The following NTRK1 variants were observed in gnomAD, a reference collection of about 807,000 sequenced individuals.
NTRK1 encodes neurotrophic receptor tyrosine kinase 1, also known as high affinity nerve growth factor receptor.
NTRK1 carries 62 observed loss-of-function variants against 86.8 expected under a neutral mutation model. The ratio of observed to expected loss-of-function variants is 0.71; its 90% CI spans 0.58 to 0.88. NTRK1 has a LOEUF of 0.88. Ranked by LOEUF, NTRK1 falls within the 40% of genes least tolerant of loss-of-function variation. NTRK1 has a pLI of 0.00. For synonymous variants in NTRK1, 469 were observed against 456.6 expected (o/e 1.03, Z -0.35); for missense variants, 967 against 1,078.4 (o/e 0.90, Z 1.45).
chr1:156,843,585 C>G, intron 2 of NTRK1: 1 of 1,184,810 alleles, frequency 8.4e-7, no homozygotes, highest in Non-Finnish European at 1.3e-6. Flanking sequence ...AGTTACTGAC[C>G]ACACCCCCAG....
chr1:156,874,948 C>G lies in NTRK1; in HGVS notation c.1294C>G (p.Leu432Val), dbSNP rs1392681907. ...CCTGGCCGTCTTTGCCTGCCTCTTCCTTTCTACGCTGCTCCTTGTGCTCAA... is the reference window on the plus strand; with the variant it reads ...CCTGGCCGTCTTTGCCTGCCTCTTCGTTTCTACGCTGCTCCTTGTGCTCAA... ...VGLAVFACLF[L>V]STLLLVLNKC... The change falls in exon 11 of 17, where the codon CTT (leucine) becomes GTT (valine). Residue 432 changes from leucine (L) to valine (V), a missense_variant. Leu to Val is a conservative substitution (Grantham distance 32, BLOSUM62 1). Around this residue, in one of 2 missense-constraint regions of NTRK1, gnomAD observed 637 missense variants for 776.5 expected, o/e 0.82. Coordinates refer to ENST00000524377, the MANE Select transcript of NTRK1 (RefSeq NM_002529.4). 6.2e-7 allele frequency: 1 copy of G among 1,614,050 alleles called. No homozygotes were observed.
At chr1:156,860,733 G>T, upstream of NTRK1, 1 of 1,034,836 alleles carries the variant, frequency 9.7e-7, no homozygotes, top group Non-Finnish European at 1.3e-6. Context: ...AACAGGGGAG[G>T]GGGCAGAGGG....
chr1:156,832,210 C>T (rs988170672), intron 1 of NTRK1, among the ~76,000 whole-genome samples: 2 of 152,238 alleles, frequency 1.3e-5, no homozygotes, highest in African/African-American at 4.8e-5. Context: ...TCTTTCCCTT[C>T]TGTACTCTCT....
chr1:156,831,793 T>G (rs1019487299), intron 1 of NTRK1, among the ~76,000 whole-genome samples: 4 of 152,200 alleles, frequency 2.6e-5, no homozygotes, highest in Non-Finnish European at 5.9e-5. Context: ...ATTGAGGATC[T>G]CATAGACTCT....
chr1:156,876,459 C>T lies in NTRK1; in HGVS notation c.1692C>T (p.Leu564=), dbSNP rs1647917703. ...RQDFQREAEL[L]TMLQHQHIVR... is the part of the protein sequence containing the mutation. ...ACTTCCAGCGTGAGGCTGAGCTGCT[C>T]ACCATGCTGCAGCACCAGCACATCG... is the stretch of plus-strand genomic sequence containing the variant. The change falls in exon 14 of 17, where the codon CTC becomes CTT. Residue 564 remains leucine (L), a synonymous_variant. Coordinates refer to ENST00000524377, the MANE Select transcript of NTRK1 (RefSeq NM_002529.4). 4.3e-6 allele frequency: 7 copies of T among 1,613,858 alleles called. No individual in the cohort carries two copies. The highest frequency in any genetic ancestry group is 1.1e-5 in the South Asian group (1 of 91,076).
At chr1:156,823,494 A>G (rs549318276) in intron 1 of NTRK1, among the ~76,000 whole-genome samples, 94 of 152,210 alleles carry the variant, frequency 6.2e-4, no homozygotes, top group Non-Finnish European at 4.9e-4. Flanking sequence ...AGGCACTGTG[A>G]TGTGGGATAC....
rs1376334182 is a variant in NTRK1 at position 156,868,555 on chromosome 1, G to A, written c.625G>A (p.Asp209Asn). ...GCCCAATGCCTCGGTGGATGTGGGG[G>A]ACGACGTGCTGCTGCGGTGCCAGGT... ...QVPNASVDVG[D>N]DVLLRCQVEG... The change falls in exon 6 of 17, where the codon GAC becomes AAC. Residue 209 changes from aspartate to asparagine, a missense_variant. Physicochemically the swap from Asp to Asn is conservative, Grantham distance 23. Transcript: ENST00000524377. 16 of 1,557,266 alleles carry A rather than the reference G, an allele frequency of 1.0e-5. No individual in the cohort carries two copies. Among genetic ancestry groups the A allele is most frequent in the Non-Finnish European group, 7.0e-6 (8 of 1,150,148 alleles).
rs571473631 is a variant in NTRK1 at position 156,850,531 on chromosome 1, ATTCTTTTTTTTTTTT to A, written c.50+8341_50+8355del. On this transcript the variant is annotated intron_variant, in intron 2 of 16. Coordinates refer to the NTRK1 transcript ENST00000392302. ...CCCGACCTGGATGGTAATTTAAAAC[ATTCTTTTTTTTTTTT>A]TTTTTTTTTTTTTTTTTTTGAGATG... Among the ~76,000 whole-genome samples, 527 of 97,036 alleles carry A rather than the reference ATTCTTTTTTTTTTTT, an allele frequency of 5.4e-3. 5 individuals are homozygous for A. Among genetic ancestry groups the A allele is most frequent in the African/African-American group, 0.019 (497 of 25,916 alleles). 63.7% of individuals were successfully genotyped at this position (97,036 alleles called of 152,430 possible). A position where few individuals can be genotyped will look rare whatever the true frequency, so the allele number is the denominator to read the frequency against.
chr1:156,836,059 C>T (rs1482128565), intron 1 of NTRK1, among the ~76,000 whole-genome samples: 1 of 152,240 alleles, frequency 6.6e-6, no homozygotes, highest in East Asian at 1.9e-4. Flanking sequence ...GTCTTCTCTG[C>T]TTCATCTGTC....
chr1:156,820,944 T>A (rs1293527669), intron 1 of NTRK1, among the ~76,000 whole-genome samples: 1 of 152,246 alleles, frequency 6.6e-6, no homozygotes, highest in Non-Finnish European at 1.5e-5. Flanking sequence ...TTTGTTTGTG[T>A]CATCTCTGAT....
intron 2 of NTRK1, chr1:156,843,495 AG>A (rs1447577043): frequency 6.2e-7 from 1 of 1,613,962 alleles, no homozygotes; most frequent in Admixed American, 1.7e-5. Flanking sequence ...ACGGGAGGTG[AG>A]GGGGTCAGGC....
At chr1:156,842,963 C>T (rs751652488) in intron 2 of NTRK1, 21 of 1,480,700 alleles carry the variant, frequency 1.4e-5, no homozygotes, top group Non-Finnish European at 1.9e-5. Flanking sequence ...ATGACCTTTA[C>T]ACTAATTATG....
Position 156,861,072 on chromosome 1 carries a change from G to T in NTRK1, c.138G>T (p.Ser46=), listed in dbSNP as rs572625293. The change falls in exon 1 of 17, where the codon TCG becomes TCT. Residue 46 remains serine, a synonymous_variant. Transcript: ENST00000524377. ...ATGCCTGCTGCCCCCACGGCTCCTC[G>T]GGACTGCGATGCACCCGGGATGGGG... ...CPDACCPHGS[S]GLRCTRDGAL... 6.4e-7 allele frequency: 1 copy of T among 1,572,850 alleles called. No homozygotes were observed. The highest frequency in any genetic ancestry group is 8.6e-7 in the Non-Finnish European group (1 of 1,163,692).
upstream of NTRK1, chr1:156,858,902 G>A (rs767243212): frequency 2.8e-4 from 131 of 460,560 alleles, no homozygotes; most frequent in Non-Finnish European, 4.5e-4. Flanking sequence ...GGAGAGTCTC[G>A]GGCCTCCAGA....
chr1:156,861,115 C>T lies in NTRK1; in HGVS notation c.181C>T (p.His61Tyr). The change falls in exon 1 of 17, where the codon CAC becomes TAC. Residue 61 changes from histidine to tyrosine, a missense_variant. This residue lies in a region of NTRK1 where 330 missense variants were observed against 302.0 expected (regional missense o/e 1.09). Transcript: ENST00000524377. ...TRDGALDSLH[H>Y]LPGAENLTEL... ...GGATGGGGCCCTGGATAGCCTCCACCACCTGCCCGGCGCAGAGAACCTGAC... is the reference window on the plus strand; with the variant it reads ...GGATGGGGCCCTGGATAGCCTCCACTACCTGCCCGGCGCAGAGAACCTGAC... 6.3e-7 allele frequency: 1 copy of T among 1,583,148 alleles called. No homozygotes were observed. The highest frequency in any genetic ancestry group is 1.1e-5 in the South Asian group (1 of 87,862).
intron 1 of NTRK1, chr1:156,816,948 G>A (rs1654005106): frequency 2.5e-6 from 1 of 399,604 alleles, no homozygotes; most frequent in Non-Finnish European, 4.5e-6. Flanking sequence ...GGGTATCTGT[G>A]TCACTCTGTG....
intron 2 of NTRK1, chr1:156,845,721 T>G: frequency 6.2e-7 from 1 of 1,613,586 alleles, no homozygotes; most frequent in Non-Finnish European, 8.5e-7. Context: ...AGGTGGGTGC[T>G]GGCAAGGGCA....
upstream of NTRK1, chr1:156,860,699 A>G (rs1655594955): frequency 9.4e-6 from 6 of 640,754 alleles, no homozygotes; most frequent in South Asian, 1.8e-4. Flanking sequence ...ATCCTCGGGG[A>G]GAAGGCTGAC....
rs200815412 is a variant in NTRK1 at position 156,861,091 on chromosome 1, G to A, written c.157G>A (p.Asp53Asn). 4.4e-6 allele frequency: 7 copies of A among 1,584,258 alleles called. No individual in the cohort carries two copies. The highest frequency in any genetic ancestry group is 6.0e-6 in the Non-Finnish European group (7 of 1,169,398). Reference sequence around the variant, plus strand: ...CTCCTCGGGACTGCGATGCACCCGGGATGGGGCCCTGGATAGCCTCCACCA... The same window carrying A: ...CTCCTCGGGACTGCGATGCACCCGGAATGGGGCCCTGGATAGCCTCCACCA... ...HGSSGLRCTR[D>N]GALDSLHHLP... Residue 53 changes from aspartate to asparagine, a missense_variant, in exon 1 of 17, where the codon GAT becomes AAT. Physicochemically the swap from Asp to Asn is conservative, Grantham distance 23. Transcript: ENST00000524377.
Sources: gnomAD v4.1 joint callset for allele counts (sites outside exome capture counted in the v4.1 genomes callset) on GRCh38, gnomAD v4.1.1 for gene constraint, gnomAD v4.1.1 regional missense constraint, MANE v1.5 for transcripts, NCBI Gene and HGNC (gene_info 2026-07-23, HGNC 2026-07-21) for gene names.